Variants in DOCK6 observed in about 807,000 individuals in gnomAD.
DOCK6 encodes dedicator of cytokinesis protein 6.
DOCK6 carries 167 observed loss-of-function variants against 230.3 expected under a neutral mutation model. The ratio of observed to expected loss-of-function variants is 0.73; its 90% CI spans 0.64 to 0.82. The LOEUF (loss-of-function observed/expected upper bound fraction) is 0.82, where lower values mean the gene tolerates loss of function less well. DOCK6 is among the 40% of genes least tolerant of loss of function. The probability of loss-of-function intolerance (pLI) is 0.00; values close to 1 mark genes in which losing one functional copy is unlikely to be tolerated. For synonymous variants in DOCK6, 1,148 were observed against 1,185.0 expected, an observed-to-expected ratio of 0.97 and a Z score of 0.64; for missense variants, 2,598 against 2,825.8, an observed-to-expected ratio of 0.92 and a Z score of 1.83.
At chr19:11,216,719 A>G in intron 30 of DOCK6, 195 bp downstream of exon 30, 1 of 628,716 alleles carries the variant, frequency 1.6e-6, no homozygotes. Flanking sequence ...TCCACCTTCC[A>G]AATTCTATTC....
Position 11,236,796 on chromosome 19 carries a change from G to A in DOCK6, c.2157C>T (p.Pro719=), listed in dbSNP as rs1267008056. ...TGGTTCCCGGCCCACCCCGTACCTG[G>A]GGGTGCACAGAGGACACGGCTGTGA... ...VELTAVSSVH[P]QDPYLDKFFT... Residue 719 remains proline, a synonymous_variant, in exon 19 of 48, where the codon CCC becomes CCT. Coordinates refer to ENST00000294618, the MANE Select transcript of DOCK6 (RefSeq NM_020812.4). This position sits in a 1 kb window ranked among gnomAD's most constrained non-coding sequence, Gnocchi z 5.2. 1 of 1,552,990 alleles carries A rather than the reference G, an allele frequency of 6.4e-7. No individual in the cohort carries two copies. The highest frequency in any genetic ancestry group is 2.0e-5 in the Admixed American group (1 of 51,128).
In DOCK6 at chr19:11,251,921, CAT is replaced by C; in HGVS notation, c.507+196_507+197del. On this transcript the variant is annotated intron_variant, in intron 5 of 47. Transcript: ENST00000294618. ...ACTCCTAGGATGAAAGCAGAGGACA[CAT>C]ATGAAGCCTTCAGTACACCCTAAGC... The C allele has an allele frequency of 4.1e-6, 3 of 726,886 alleles. No homozygotes were observed. In the South Asian group the frequency reaches 5.5e-5, roughly 13 times the overall value. 45.0% of individuals were successfully genotyped at this position (726,886 alleles called of 1,614,324 possible). A position where few individuals can be genotyped will look rare whatever the true frequency, so the allele number is the denominator to read the frequency against.
At chr19:11,242,962 G>T in intron 13 of DOCK6, 97 bp downstream of exon 13, 2 of 1,400,902 alleles carry the variant, frequency 1.4e-6, no homozygotes, top group Non-Finnish European at 1.0e-6. Context: ...TCATCGTTGG[G>T]TCTCTGATGC....
At chr19:11,208,526 G>T (rs1285831976) in intron 39 of DOCK6, 160 bp downstream of exon 39, 10 of 1,003,010 alleles carry the variant, frequency 1.0e-5, no homozygotes, top group Non-Finnish European at 1.4e-5. Flanking sequence ...TGACCTGCCT[G>T]CCTCCGCCTC....
chr19:11,216,863 G>A, intron 30 of DOCK6, 51 bp downstream of exon 30: 1 of 1,589,690 alleles, frequency 6.3e-7, no homozygotes, highest in Non-Finnish European at 8.6e-7. Context: ...TGGGTCCCTG[G>A]GTACATCCTT....
In DOCK6 at chr19:11,238,291, C is replaced by T. The variant is rs200994971; in HGVS notation, c.1657G>A (p.Val553Met). The T allele has an allele frequency of 4.8e-5, 78 of 1,608,630 alleles. No individual in the cohort carries two copies. The highest frequency in any genetic ancestry group is 6.5e-5 in the Non-Finnish European group (76 of 1,177,654). ...CTGAAGTTGAGGCTGTGCGGGTACA[C>T]GTACAGCAGGTTCCTGTGGGGGGCA... ...PHTSYRNLLY[V>M]YPHSLNFSSR... is the part of the protein sequence containing the mutation. Residue 553 changes from valine to methionine, a missense_variant, in exon 15 of 48, where the codon GTG becomes ATG. Transcript: ENST00000294618.
rs1266030676 is a variant in DOCK6, at chr19:11,253,709, A to G, written c.62T>C (p.Val21Ala). 4 of 1,470,464 alleles carry G rather than the reference A, an allele frequency of 2.7e-6. No individual in the cohort carries two copies. Among genetic ancestry groups the G allele is most frequent in the Non-Finnish European group, 3.6e-6 (4 of 1,118,286 alleles). 91.1% of individuals were successfully genotyped at this position (1,470,464 alleles called of 1,614,324 possible). The change falls in exon 2 of 48, where the codon GTG becomes GCG. Residue 21 changes from valine to alanine, a missense_variant. Transcript: ENST00000294618. ...HKINRTVAAE[V>A]RKQVSRERSG... is the part of the protein sequence containing the mutation. ...GCGTTCCCGGGACACCTGCTTCCGC[A>G]CCTCTGCGGCCACCGTCCTGGAAAG...
Position 11,202,083 on chromosome 19 carries a change from A to G in DOCK6, c.5494T>C (p.Tyr1832His), listed in dbSNP as rs757316636. The G allele has an allele frequency of 8.7e-6, 14 of 1,614,040 alleles. No homozygotes were observed. The highest frequency in any genetic ancestry group is 1.2e-5 in the Non-Finnish European group (14 of 1,179,896). Reference protein sequence around the residue: ...ITYVEPYFDTYELKDRVTYFD... With the variant: ...ITYVEPYFDTHELKDRVTYFD... The stretch of plus-strand genomic sequence containing the variant: ...TAGGTCACCCGGTCCTTGAGCTCGT[A>G]GGTATCAAAGTACGGTTCCACATAC... Residue 1832 changes from tyrosine to histidine, a missense_variant, in exon 44 of 48, where the codon TAC (tyrosine) becomes CAC (histidine). Transcript: ENST00000294618. This position sits in a 1 kb window ranked among gnomAD's most constrained non-coding sequence, Gnocchi z 5.3.
In DOCK6 at chr19:11,243,454, T is replaced by C. The variant is rs531593722; in HGVS notation, c.1259-69A>G. ...ACAGGGAGACTCAGGGGCGGCACAGTTCGGCCAGCAGAGGGCGCACCCCCT... is the reference window on the plus strand; with the variant it reads ...ACAGGGAGACTCAGGGGCGGCACAGCTCGGCCAGCAGAGGGCGCACCCCCT... On this transcript the variant is annotated intron_variant, in intron 11 of 47. Transcript: ENST00000294618. The surrounding 1 kb of genome is among the most constrained non-coding windows in gnomAD (Gnocchi z 6.3). 9.6e-6 allele frequency: 15 copies of C among 1,561,676 alleles called. No individual in the cohort carries two copies. The South Asian group carries it at 1.6e-4, about 17-fold the overall frequency.
chr19:11,246,821 C>T (rs2080042010), intron 7 of DOCK6, among the ~76,000 whole-genome samples: 2 of 152,202 alleles, frequency 1.3e-5, no homozygotes, highest in South Asian at 2.1e-4. Flanking sequence ...CCCTGTCTTA[C>T]TCCACCTTGC....
chr19:11,217,377 G>T lies in DOCK6; in HGVS notation c.3565C>A (p.Arg1189=). 1 of 1,612,928 alleles carries T rather than the reference G, an allele frequency of 6.2e-7. No individual in the cohort carries two copies. The highest frequency in any genetic ancestry group is 8.5e-7 in the Non-Finnish European group (1 of 1,179,506). The part of the protein sequence containing the change: ...LHDFAEGPGQ[R]SRLASMLDSD... The stretch of plus-strand genomic sequence containing the variant: ...TCAAGCATTGAGGCCAGTCTTGACC[G>T]CTGACCTGGGCCCTCTGGCAGGGAA... The change falls in exon 29 of 48, where the codon CGG becomes AGG. Residue 1189 remains arginine, a synonymous_variant. Transcript: ENST00000294618.
intron 5 of DOCK6, chr19:11,251,838 G>A (rs1195054754): frequency 1.2e-5 from 5 of 427,116 alleles, no homozygotes; most frequent in Admixed American, 1.1e-4. Context: ...ACAGGCTCAC[G>A]GCCTCTAAGA....
intron 14 of DOCK6, chr19:11,239,622 C>T (rs1568251646): frequency 6.2e-7 from 1 of 1,613,608 alleles, no homozygotes; most frequent in East Asian, 2.2e-5. Context: ...TGTGGCTATA[C>T]CTTAGACCCT....
At chr19:11,231,747 G>A (rs760003387) in intron 22 of DOCK6, among the ~76,000 whole-genome samples, 10 of 152,122 alleles carry the variant, frequency 6.6e-5, no homozygotes, top group East Asian at 1.9e-4. Flanking sequence ...GAGGCAAAGC[G>A]TCCCCCTACA....
Position 11,233,244 on chromosome 19 carries a change from CA to C in DOCK6, c.2676del (p.Gly893AlafsTer47). On this transcript the variant is annotated frameshift_variant, in exon 22 of 48. Coordinates refer to ENST00000294618, the MANE Select transcript of DOCK6 (RefSeq NM_020812.4). LOFTEE classifies it high-confidence loss of function. ...CGGGAAACCTCGTCATCCACAGAGC[CA>C]GGGGCCACGGCGAGGTCAGGGTTGC... ...SSSNPDLAVA[P>X]GSVDDEVSRI... is the part of the protein sequence containing the mutation. 6.2e-7 allele frequency: 1 copy of C among 1,613,890 alleles called. No individual in the cohort carries two copies. Among genetic ancestry groups the C allele is most frequent in the Non-Finnish European group, 8.5e-7 (1 of 1,179,868 alleles).
In DOCK6 at chr19:11,233,461, C is replaced by T. The variant is rs919424620; in HGVS notation, c.2555-95G>A. Reference sequence around the variant, plus strand: ...AGCTAATCTCTGCAAAATCACTTTCCTTCTCTGAGCCTCTAAGTTCCTCAT... The same window carrying T: ...AGCTAATCTCTGCAAAATCACTTTCTTTCTCTGAGCCTCTAAGTTCCTCAT... On this transcript the variant is annotated intron_variant, in intron 21 of 47. Transcript: ENST00000294618. The T allele has an allele frequency of 1.1e-5, 16 of 1,439,860 alleles. No individual in the cohort carries two copies. In the African/African-American group the frequency reaches 2.3e-4, roughly 20 times the overall value. The allele number at this position is 1,439,860 out of a possible 1,614,324, so 89.2% of individuals were successfully genotyped here.
intron 1 of DOCK6, among the ~76,000 whole-genome samples, chr19:11,259,394 A>G (rs1324892587): frequency 6.6e-6 from 1 of 151,864 alleles, no homozygotes; most frequent in African/African-American, 2.4e-5. Flanking sequence ...AAATAACAAT[A>G]TATGTATGTG....
intron 14 of DOCK6, 130 bp from the exon 15 acceptor site, chr19:11,238,434 A>G (rs982756928): frequency 1.3e-6 from 1 of 777,138 alleles, no homozygotes; most frequent in African/African-American, 1.7e-5. Context: ...AGGCTGGGGC[A>G]TTGAGGGCCC....
intron 7 of DOCK6, chr19:11,247,845 A>G (rs2080058984): frequency 1.9e-6 from 1 of 538,726 alleles, no homozygotes; most frequent in African/African-American, 1.9e-5. Flanking sequence ...TATACATGAA[A>G]GGCTGAGAAC....
Sources: gnomAD v4.1 joint callset for allele counts (sites outside exome capture counted in the v4.1 genomes callset) on GRCh38, gnomAD v4.1.1 for gene constraint, Gnocchi (gnomAD v3.1) non-coding constraint, MANE v1.5 for transcripts, NCBI Gene and HGNC (gene_info 2026-07-23, HGNC 2026-07-21) for gene names.